ERMP1: variants seen among roughly 807,000 people sequenced by gnomAD.
ERMP1 encodes Felix-ina.
A neutral mutation model predicts 92.0 loss-of-function variants in ERMP1; 86 were observed. The observed-to-expected ratio is 0.93, with a 90% CI of 0.79 to 1.12. The LOEUF (loss-of-function observed/expected upper bound fraction) is 1.12. Among genes scored for constraint, ERMP1 ranks in the 50% most tolerant of loss-of-function variants. The probability of loss-of-function intolerance (pLI) is 0.00; values close to 1 mark genes in which losing one functional copy is unlikely to be tolerated. For synonymous variants in ERMP1, 530 were observed against 412.8 expected (o/e 1.28, Z -3.44); for missense variants, 1,342 against 1,116.3 (o/e 1.20, Z -2.88).
chr9:5,796,099 T>C (rs918760105), intron 13 of ERMP1, among the ~76,000 whole-genome samples: 11 of 152,214 alleles, frequency 7.2e-5, no homozygotes, highest in Non-Finnish European at 1.2e-4. Context: ...CCAACACGGA[T>C]AGGAAAAGCC....
intron 5 of ERMP1, among the ~76,000 whole-genome samples, chr9:5,862,834 A>G (rs1830543845): frequency 6.6e-6 from 1 of 152,214 alleles, no homozygotes; most frequent in African/African-American, 2.4e-5. Context: ...GGTCCTATAA[A>G]TGGACTTGTC....
intron 6 of ERMP1, among the ~76,000 whole-genome samples, chr9:5,842,376 A>G (rs1227097051): frequency 6.6e-6 from 1 of 150,714 alleles, no homozygotes; most frequent in African/African-American, 2.4e-5. Context: ...CAGAAGCCCA[A>G]CCGGCTTCAC....
intron 6 of ERMP1, among the ~76,000 whole-genome samples, chr9:5,839,574 A>G (rs989297392): frequency 6.6e-6 from 1 of 152,162 alleles, no homozygotes; most frequent in Non-Finnish European, 1.5e-5. Context: ...GAGAGTTTAC[A>G]TTGCCAGAGC....
intron 4 of ERMP1, among the ~76,000 whole-genome samples, chr9:5,820,232 G>A (rs1829478424): frequency 6.6e-6 from 1 of 152,200 alleles, no homozygotes; most frequent in Non-Finnish European, 1.5e-5. Flanking sequence ...CCAGGAGGCA[G>A]AGGGTGCAGT....
chr9:5,805,909 T>C, intron 8 of ERMP1, 124 bp from the exon 9 acceptor site: 1 of 679,836 alleles, frequency 1.5e-6, no homozygotes, highest in Non-Finnish European at 2.4e-6. Context: ...AGTCTGCTCT[T>C]TAAACTGATT....
intron 5 of ERMP1, among the ~76,000 whole-genome samples, chr9:5,863,902 AC>A (rs1830574429): frequency 6.6e-6 from 1 of 152,226 alleles, no homozygotes; most frequent in Non-Finnish European, 1.5e-5. Flanking sequence ...ATTTTTAGTG[AC>A]TGAATAATAG....
chr9:5,859,393 T>C (rs898350388), intron 6 of ERMP1, among the ~76,000 whole-genome samples: 27 of 152,228 alleles, frequency 1.8e-4, no homozygotes, highest in African/African-American at 5.3e-4. Flanking sequence ...GGTAAAGTTA[T>C]GATCCATAGT....
intron 4 of ERMP1, among the ~76,000 whole-genome samples, chr9:5,815,305 A>C (rs1273538280): frequency 1.3e-5 from 2 of 152,188 alleles, no homozygotes; most frequent in East Asian, 1.9e-4. Context: ...TGGGACTAGC[A>C]AAGTACAAGG....
intron 4 of ERMP1, among the ~76,000 whole-genome samples, chr9:5,820,366 C>T (rs1349529499): frequency 2.0e-5 from 3 of 152,094 alleles, no homozygotes; most frequent in Admixed American, 6.5e-5. Context: ...AATATATATA[C>T]ACATATATAA....
chr9:5,860,347 TGTCA>T (rs1830448526), intron 5 of ERMP1, among the ~76,000 whole-genome samples: 1 of 151,854 alleles, frequency 6.6e-6, no homozygotes, highest in Admixed American at 6.6e-5. Flanking sequence ...ATAAATGCAC[TGTCA>T]GTATTTTAGG....
chr9:5,818,346 G>T (rs1245413135), intron 4 of ERMP1, among the ~76,000 whole-genome samples: 1 of 152,050 alleles, frequency 6.6e-6, no homozygotes, highest in Non-Finnish European at 1.5e-5. Context: ...AAAAATTAAT[G>T]ATGGAAGAAA....
intron 13 of ERMP1, among the ~76,000 whole-genome samples, 153 bp downstream of exon 13, chr9:5,797,660 AAAAG>A (rs1191228851): frequency 2.0e-5 from 3 of 152,166 alleles, no homozygotes; most frequent in East Asian, 3.9e-4. Context: ...AAAAAAAAAA[AAAAG>A]AAGTCATAAC....
chr9:5,845,564 TC>T (rs556279863), intron 6 of ERMP1, among the ~76,000 whole-genome samples: 1 of 152,202 alleles, frequency 6.6e-6, no homozygotes, highest in Non-Finnish European at 1.5e-5. Context: ...CTGGAGTTCT[TC>T]CAGCCTGTGG....
At chr9:5,834,765 T>C (rs902156318), upstream of ERMP1, among the ~76,000 whole-genome samples, 17 of 115,374 alleles carry the variant, frequency 1.5e-4, 1 homozygote, top group Non-Finnish European at 3.5e-5. Context: ...CAATATCCCA[T>C]GGTACCATAA....
In ERMP1 at chr9:5,801,224, TG is replaced by T; in HGVS notation, c.2018del (p.Pro673HisfsTer19). 1 of 1,613,852 alleles carries T rather than the reference TG, an allele frequency of 6.2e-7. No individual in the cohort carries two copies. Among genetic ancestry groups the T allele is most frequent in the Non-Finnish European group, 8.5e-7 (1 of 1,179,876 alleles). On this transcript the variant is annotated frameshift_variant, in exon 11 of 15. Transcript: ENST00000339450. LOFTEE classifies it high-confidence loss of function. ...TCGGATTAGCAGGATTGGAGCTATA[TG>T]GAAAAAATGTTCCACTGCAAACAAG... Reference protein sequence around the residue: ...FLLVCSGTFFPYSSNPANPKP... With the variant: ...FLLVCSGTFFXYSSNPANPKP...
intron 5 of ERMP1, among the ~76,000 whole-genome samples, chr9:5,862,121 C>T (rs1291436461): frequency 6.6e-6 from 1 of 152,086 alleles, no homozygotes; most frequent in Non-Finnish European, 1.5e-5. Flanking sequence ...CCTCTACCTC[C>T]TGGGCCCAAG....
chr9:5,818,343 A>G (rs905299829), intron 4 of ERMP1, among the ~76,000 whole-genome samples: 7 of 152,174 alleles, frequency 4.6e-5, no homozygotes, highest in African/African-American at 1.7e-4. Context: ...GAGAAAAATT[A>G]ATGATGGAAG....
intron 5 of ERMP1, among the ~76,000 whole-genome samples, chr9:5,860,525 C>T (rs1009389042): frequency 1.3e-5 from 2 of 151,844 alleles, no homozygotes; most frequent in African/African-American, 2.4e-5. Context: ...TTGCTCATAA[C>T]GTAACCAATG....
chr9:5,811,349 G>T (rs202151204), intron 6 of ERMP1, 26 bp from the exon 7 acceptor site: 30 of 1,454,178 alleles, frequency 2.1e-5, no homozygotes, highest in Non-Finnish European at 2.7e-5. Context: ...AAAAAAAAAA[G>T]AAAGAAAAGG....
Sources: gnomAD v4.1 joint callset for allele counts (sites outside exome capture counted in the v4.1 genomes callset) on GRCh38, gnomAD v4.1.1 for gene constraint, MANE v1.5 for transcripts, NCBI Gene and HGNC (gene_info 2026-07-23, HGNC 2026-07-21) for gene names.